The following ASCC3 variants were observed in gnomAD, a reference collection of about 807,000 sequenced individuals.
The protein encoded by ASCC3 is activating signal cointegrator 1 complex subunit 3.
In ASCC3, 158 loss-of-function variants were observed where a neutral mutation model predicts 256.3. The ratio of observed to expected loss-of-function variants is 0.62; its 90% CI spans 0.54 to 0.70. The LOEUF (loss-of-function observed/expected upper bound fraction) is 0.70. ASCC3 is among the 30% of genes least tolerant of loss of function. The probability of loss-of-function intolerance (pLI) is 0.00; values close to 1 mark genes in which losing one functional copy is unlikely to be tolerated. For missense variants in ASCC3, 2,259 were observed against 2,626.0 expected (o/e 0.86, Z 3.05); for synonymous variants, 948 against 883.4 (o/e 1.07, Z -1.30).
chr6:100,855,309 G>T (rs568165517), intron 3 of ASCC3, among the ~76,000 whole-genome samples: 3 of 152,124 alleles, frequency 2.0e-5, no homozygotes, highest in South Asian at 2.1e-4. Flanking sequence ...TAGAGATGGG[G>T]TTTCACCATG....
At chr6:100,621,464 G>A (rs905177590) in intron 30 of ASCC3, among the ~76,000 whole-genome samples, 4 of 152,122 alleles carry the variant, frequency 2.6e-5, no homozygotes, top group Non-Finnish European at 4.4e-5. Context: ...AGACATTAAT[G>A]TGGTCAACAA....
chr6:100,877,646 G>A (rs964534255), intron 1 of ASCC3, among the ~76,000 whole-genome samples: 4 of 152,034 alleles, frequency 2.6e-5, no homozygotes, highest in South Asian at 2.1e-4. Flanking sequence ...CAGAGTCTAG[G>A]CACATTTAAC....
intron 10 of ASCC3, among the ~76,000 whole-genome samples, chr6:100,736,301 G>A (rs1199699729): frequency 1.3e-5 from 2 of 151,942 alleles, no homozygotes; most frequent in East Asian, 1.9e-4. Context: ...TCAGGAGATC[G>A]AGACCATCCT....
intron 4 of ASCC3, among the ~76,000 whole-genome samples, chr6:100,814,797 T>C (rs1173958895): frequency 1.3e-5 from 2 of 152,154 alleles, no homozygotes; most frequent in Admixed American, 6.6e-5. Flanking sequence ...ATTCCCCTTA[T>C]TCTTAATTGT....
Position 100,650,534 on chromosome 6 carries a change from T to G in ASCC3, c.3252+4A>C. 6.2e-7 allele frequency: 1 copy of G among 1,612,270 alleles called. No homozygotes were observed. Among genetic ancestry groups the G allele is most frequent in the Non-Finnish European group, 8.5e-7 (1 of 1,178,748 alleles). ...AGAAAACTGGAAGGGAATAAGATAC[T>G]TACCTGTGCAACATATGCAGAATCT... On this transcript the variant is annotated splice_donor_region_variant and intron_variant, in intron 20 of 41. Coordinates refer to ENST00000369162, the MANE Select transcript of ASCC3 (RefSeq NM_006828.4).
At chr6:100,511,980 C>A (rs1773786996) in intron 40 of ASCC3, among the ~76,000 whole-genome samples, 1 of 152,188 alleles carries the variant, frequency 6.6e-6, no homozygotes, top group East Asian at 1.9e-4. Flanking sequence ...AAGACTAATT[C>A]TTTCTTATTT....
chr6:100,677,928 C>T (rs1454748880), intron 14 of ASCC3, among the ~76,000 whole-genome samples: 1 of 152,014 alleles, frequency 6.6e-6, no homozygotes, highest in Non-Finnish European at 1.5e-5. Flanking sequence ...TGAATTAGTG[C>T]TTGGTGACAT....
chr6:100,541,661 CA>C (rs1421293779), intron 36 of ASCC3, among the ~76,000 whole-genome samples: 1 of 151,940 alleles, frequency 6.6e-6, no homozygotes, highest in Non-Finnish European at 1.5e-5. Flanking sequence ...TATAGGAATA[CA>C]AAAAATACAG....
At chr6:100,526,223 C>T (rs577259812) in intron 37 of ASCC3, among the ~76,000 whole-genome samples, 1 of 152,210 alleles carries the variant, frequency 6.6e-6, no homozygotes, top group South Asian at 2.1e-4. Context: ...GCTAGCAAGC[C>T]TACAAGTTAA....
intron 36 of ASCC3, among the ~76,000 whole-genome samples, chr6:100,573,925 T>C (rs1770727146): frequency 6.6e-6 from 1 of 152,100 alleles, no homozygotes; most frequent in African/African-American, 2.4e-5. Context: ...CCGGGGAGCT[T>C]GGTGTTCCAA....
In ASCC3 at chr6:100,530,953, C is replaced by T. The variant is rs115598649; in HGVS notation, c.5775+9210G>A. ...ACTTCAGTACAGTGATTGCAAATCA[C>T]GTGTCTAATTATGATGAAGGAGCAT... On this transcript the variant is annotated intron_variant, in intron 37 of 41. Coordinates refer to ENST00000369162, the MANE Select transcript of ASCC3 (RefSeq NM_006828.4). 1.1e-3 allele frequency: 1,659 copies of T among 1,458,546 alleles called. 23 individuals are homozygous for T. The African/African-American group carries it at 0.02, about 18-fold the overall frequency. The allele number at this position is 1,458,546 out of a possible 1,614,324, so 90.4% of individuals were successfully genotyped here.
chr6:100,646,303 T>TTA (rs1305608867), intron 22 of ASCC3, among the ~76,000 whole-genome samples: 1 of 151,974 alleles, frequency 6.6e-6, no homozygotes, highest in Non-Finnish European at 1.5e-5. Context: ...CTATAATTTT[T>TTA]TACTATTATT....
chr6:100,864,002 A>C (rs1773353968), intron 3 of ASCC3, 62 bp downstream of exon 3: 2 of 1,318,608 alleles, frequency 1.5e-6, no homozygotes, highest in African/African-American at 3.0e-5. Context: ...GTTTACAAGG[A>C]ATCTGTTTTT....
intron 14 of ASCC3, among the ~76,000 whole-genome samples, chr6:100,664,160 C>T (rs770957016): frequency 2.0e-5 from 3 of 152,100 alleles, no homozygotes; most frequent in Non-Finnish European, 4.4e-5. Context: ...GTTTGGCCAT[C>T]ACATCATGTG....
At chr6:100,578,532 C>T (rs908289713) in intron 36 of ASCC3, among the ~76,000 whole-genome samples, 4 of 151,914 alleles carry the variant, frequency 2.6e-5, no homozygotes, top group African/African-American at 7.2e-5. Context: ...GGTTTTCTAT[C>T]CCTGTGTTTC....
chr6:100,591,868 T>C (rs1001663976), intron 34 of ASCC3, among the ~76,000 whole-genome samples: 2 of 151,974 alleles, frequency 1.3e-5, no homozygotes, highest in Admixed American at 6.6e-5. Flanking sequence ...ATGAATAAAT[T>C]TGGTACACTT....
intron 30 of ASCC3, among the ~76,000 whole-genome samples, chr6:100,618,457 T>C (rs1773775339): frequency 6.6e-6 from 1 of 152,220 alleles, no homozygotes; most frequent in Non-Finnish European, 1.5e-5. Flanking sequence ...AATATGCTGG[T>C]AATGATCAAA....
chr6:100,531,180 CT>C (rs1774853934), intron 37 of ASCC3: 1 of 642,170 alleles, frequency 1.6e-6, no homozygotes, highest in Admixed American at 2.7e-5. Flanking sequence ...TGAGACAAAA[CT>C]TTAAGGATAC....
At chr6:100,510,947 T>C (rs971963881) in intron 40 of ASCC3, among the ~76,000 whole-genome samples, 8 of 152,304 alleles carry the variant, frequency 5.3e-5, no homozygotes, top group African/African-American at 1.9e-4. Context: ...AGTAATATAT[T>C]TTTACAGCAT....
Sources: gnomAD v4.1 joint callset for allele counts (sites outside exome capture counted in the v4.1 genomes callset) on GRCh38, gnomAD v4.1.1 for gene constraint, MANE v1.5 for transcripts, NCBI Gene and HGNC (gene_info 2026-07-23, HGNC 2026-07-21) for gene names.